CYP2C19: variants seen among roughly 807,000 people sequenced by gnomAD.
The protein encoded by CYP2C19 is cytochrome P450 family 2 subfamily C member 19.
A neutral mutation model predicts 40.9 loss-of-function variants in CYP2C19; 59 were observed. That is an observed-to-expected ratio of 1.44 (90% CI 1.17 to 1.79). CYP2C19 has a LOEUF of 1.79. Ranked by LOEUF, CYP2C19 falls within the 40% of genes most tolerant of loss-of-function variation. The probability of loss-of-function intolerance (pLI) is 0.00; values close to 1 mark genes in which losing one functional copy is unlikely to be tolerated. For synonymous variants in CYP2C19, 253 were observed against 208.7 expected (o/e 1.21, Z -1.83); for missense variants, 754 against 596.9 (o/e 1.26, Z -2.74).
intron 6 of CYP2C19, among the ~76,000 whole-genome samples, chr10:94,825,285 T>C (rs1325042037): frequency 7.2e-6 from 1 of 139,272 alleles, no homozygotes; most frequent in Non-Finnish European, 1.6e-5. Context: ...AGTGTAAAAG[T>C]GTTCCTATTT....
intron 5 of CYP2C19, among the ~76,000 whole-genome samples, chr10:94,782,768 T>C (rs970362626): frequency 1.3e-5 from 2 of 152,050 alleles, no homozygotes; most frequent in Non-Finnish European, 2.9e-5. Context: ...CACCATAAAA[T>C]ACTATGGAGG....
At chr10:94,828,230 G>T (rs1380996650) in intron 6 of CYP2C19, among the ~76,000 whole-genome samples, 6 of 151,670 alleles carry the variant, frequency 4.0e-5, no homozygotes, top group African/African-American at 1.5e-4. Flanking sequence ...TTGACTTTCT[G>T]TCTCGTTGAT....
rs911329713 is a variant in CYP2C19 at position 94,801,011 on chromosome 10, C to T, written c.819+19014C>T. ...GTGCCCCACCCTTCTTCAGCTCACC[C>T]TCCATGGGCTGCACCCATTGTCCAA... On this transcript the variant is annotated intron_variant, in intron 5 of 8. Coordinates refer to ENST00000371321, the MANE Select transcript of CYP2C19 (RefSeq NM_000769.4). Among the ~76,000 whole-genome samples the T allele has an allele frequency of 3.1e-4, 47 of 152,192 alleles. 1 individual carries two copies. The highest frequency in any genetic ancestry group is 1.0e-3 in the African/African-American group (43 of 41,446).
rs80147359 is a variant in CYP2C19 at position 94,822,351 on chromosome 10, C to A, written c.961+1714C>A. The stretch of plus-strand genomic sequence containing the variant: ...CTGCCCCCATGATTAAATTATGTCC[C>A]ATTGAGTCCCTCCCATGACATGTGG... On this transcript the variant is annotated intron_variant, in intron 6 of 8. Coordinates refer to ENST00000371321, the MANE Select transcript of CYP2C19 (RefSeq NM_000769.4). Among the ~76,000 whole-genome samples, 761 of 152,202 alleles carry A rather than the reference C, an allele frequency of 5.0e-3. 28 individuals are homozygous for A. In the East Asian group the frequency reaches 0.1, roughly 20 times the overall value.
chr10:94,835,739 A>C (rs1212209555), intron 6 of CYP2C19, among the ~76,000 whole-genome samples: 2 of 152,138 alleles, frequency 1.3e-5, no homozygotes, highest in Non-Finnish European at 2.9e-5. Context: ...CTTCATGGAC[A>C]TGGAAGACTA....
chr10:94,831,950 G>T (rs1405076393), intron 6 of CYP2C19, among the ~76,000 whole-genome samples: 1 of 152,152 alleles, frequency 6.6e-6, no homozygotes, highest in African/African-American at 2.4e-5. Flanking sequence ...GCCTGTGCTT[G>T]TGGGGTATTG....
intron 5 of CYP2C19, among the ~76,000 whole-genome samples, chr10:94,789,241 G>C (rs550537409): frequency 5.9e-5 from 9 of 151,436 alleles, no homozygotes; most frequent in Middle Eastern, 3.4e-3. Context: ...ATTCTGGATA[G>C]TTGCCCTTTG....
At chr10:94,838,244 A>T (rs1849435459) in intron 6 of CYP2C19, among the ~76,000 whole-genome samples, 1 of 152,154 alleles carries the variant, frequency 6.6e-6, no homozygotes, top group South Asian at 2.1e-4. Flanking sequence ...TACACTGGGA[A>T]CTGCCTGCTG....
intron 5 of CYP2C19, among the ~76,000 whole-genome samples, chr10:94,801,492 C>T (rs573293811): frequency 6.6e-6 from 1 of 152,206 alleles, no homozygotes; most frequent in African/African-American, 2.4e-5. Context: ...TTCATTTGCT[C>T]AGGAGTGTTT....
Position 94,762,804 on chromosome 10 carries a change from C to CCCT in CYP2C19, c.99_100insCCT (p.Pro33dup), listed in dbSNP as rs1848190256. The stretch of plus-strand genomic sequence containing the variant: ...GGAGAGGAAAACTCCCTCCTGGCCC[C>CCCT]ACTCCTCTCCCAGTGATTGGAAATA... On this transcript the variant is annotated inframe_insertion, in exon 1 of 9. Transcript: ENST00000371321. 5.6e-6 allele frequency: 9 copies of CCCT among 1,613,610 alleles called. No individual in the cohort carries two copies. In the East Asian group the frequency reaches 1.8e-4, roughly 32 times the overall value.
Position 94,775,467 on chromosome 10 carries a change from G to C in CYP2C19, c.409G>C (p.Gly137Arg), listed in dbSNP as rs374950950. The change falls in exon 3 of 9, where the codon GGG (glycine) becomes CGG (arginine). Residue 137 changes from glycine (G) to arginine (R), a missense_variant. By Grantham distance (125) the Gly-to-Arg change is moderately radical (BLOSUM62 -2). Transcript: ENST00000371321. ...SLMTLRNFGM[G>R]KRSIEDRVQE... ...CATGACGCTGCGGAATTTTGGGATG[G>C]GGAAGAGGAGCATTGAGGACCGTGT... 3.7e-6 allele frequency: 6 copies of C among 1,614,054 alleles called. No homozygotes were observed. Among genetic ancestry groups the C allele is most frequent in the Non-Finnish European group, 5.1e-6 (6 of 1,179,984 alleles).
intron 5 of CYP2C19, among the ~76,000 whole-genome samples, chr10:94,799,231 A>C (rs935296819): frequency 1.3e-5 from 2 of 151,936 alleles, no homozygotes; most frequent in Admixed American, 1.3e-4. Flanking sequence ...TTGCTTGTCT[A>C]TAAAGGATTT....
chr10:94,784,021 A>G (rs1199694176), intron 5 of CYP2C19, among the ~76,000 whole-genome samples: 5 of 152,182 alleles, frequency 3.3e-5, no homozygotes, highest in Non-Finnish European at 5.9e-5. Flanking sequence ...AAATGTTTTT[A>G]TCACGCCACA....
intron 5 of CYP2C19, among the ~76,000 whole-genome samples, chr10:94,783,748 TG>T (rs2134241552): frequency 6.6e-6 from 1 of 152,278 alleles, no homozygotes; most frequent in African/African-American, 2.4e-5. Flanking sequence ...GTGAGTCTTT[TG>T]TTGTTCTTTT....
At position 94,852,683 on chromosome 10, in the gene CYP2C19, C is replaced by T. The variant is rs988912037; in HGVS notation, c.1292-50C>T. On this transcript the variant is annotated intron_variant, in intron 8 of 8. Transcript: ENST00000371321. Reference sequence around the variant, plus strand: ...AGTTATAGAGACAGTGTTTGTCACTCTCACAGTTACACATGAGGAGTAACT... The same window carrying T: ...AGTTATAGAGACAGTGTTTGTCACTTTCACAGTTACACATGAGGAGTAACT... 4 of 1,583,984 alleles carry T rather than the reference C, an allele frequency of 2.5e-6. No homozygotes were observed. In the South Asian group the frequency reaches 3.3e-5, roughly 13 times the overall value.
intron 6 of CYP2C19, among the ~76,000 whole-genome samples, 169 bp downstream of exon 6, chr10:94,820,806 C>T (rs1002600094): frequency 6.6e-6 from 1 of 152,170 alleles, no homozygotes; most frequent in Admixed American, 6.5e-5. Context: ...ATATCCTGGC[C>T]TGGTGCAGTG....
intron 8 of CYP2C19, among the ~76,000 whole-genome samples, chr10:94,851,067 C>T (rs1849646199): frequency 6.6e-6 from 1 of 152,074 alleles, no homozygotes; most frequent in Non-Finnish European, 1.5e-5. Context: ...TGTATCAGTC[C>T]ATTCTTTCAT....
At chr10:94,796,098 C>G (rs534835962) in intron 5 of CYP2C19, among the ~76,000 whole-genome samples, 13 of 152,068 alleles carry the variant, frequency 8.5e-5, no homozygotes, top group Non-Finnish European at 1.9e-4. Context: ...AATGGTATTG[C>G]CTAGGTTTTC....
chr10:94,792,609 A>G (rs1264987953), intron 5 of CYP2C19, among the ~76,000 whole-genome samples: 1 of 152,098 alleles, frequency 6.6e-6, no homozygotes, highest in Non-Finnish European at 1.5e-5. Flanking sequence ...TCCTTCGTTT[A>G]TGAAGCTTAA....
Sources: allele counts gnomAD v4.1 joint callset (sites outside exome capture counted in the v4.1 genomes callset), GRCh38; gene constraint gnomAD v4.1.1; transcripts MANE v1.5; gene names NCBI Gene and HGNC (gene_info 2026-07-23, HGNC 2026-07-21).